CLIC3: variants seen among roughly 807,000 people sequenced by gnomAD.
CLIC3 encodes the protein CLIC family member 3.
In CLIC3, 29 loss-of-function variants were observed where a neutral mutation model predicts 19.9. The ratio of observed to expected loss-of-function variants is 1.46; its 90% CI spans 1.09 to 1.99. The LOEUF is 1.99. CLIC3 is among the 30% of genes most tolerant of loss of function. CLIC3 has a pLI of 0.00. For synonymous variants in CLIC3, 143 were observed against 156.4 expected (o/e 0.91, Z 0.64); for missense variants, 365 against 342.6 (o/e 1.07, Z -0.52).
In CLIC3 at chr9:136,995,643, C is replaced by A; in HGVS notation, c.143+5G>T. The A allele has an allele frequency of 6.2e-7, 1 of 1,610,198 alleles. No individual in the cohort carries two copies. The highest frequency in any genetic ancestry group is 8.5e-7 in the Non-Finnish European group (1 of 1,178,428). On this transcript the variant is annotated splice_donor_5th_base_variant and intron_variant, in intron 2 of 5. Coordinates refer to ENST00000494426, the MANE Select transcript of CLIC3 (RefSeq NM_004669.3). Reference sequence around the variant, plus strand: ...CAGGCGGGGGTCCACAGGATGGGGCCTCACCTGCGCGTGTCCACCGTGGTG... The same window carrying A: ...CAGGCGGGGGTCCACAGGATGGGGCATCACCTGCGCGTGTCCACCGTGGTG...
chr9:136,994,897 T>TCCCC (rs2131409894), intron 5 of CLIC3, 33 bp downstream of exon 5: 6 of 1,471,166 alleles, frequency 4.1e-6, no homozygotes, highest in African/African-American at 1.5e-5. Flanking sequence ...CGCGCCGCGG[T>TCCCC]CACCCTCCCG....
intron 3 of CLIC3, 30 bp from the exon 4 acceptor site, chr9:136,995,322 G>A: frequency 6.2e-7 from 1 of 1,609,020 alleles, no homozygotes; most frequent in Non-Finnish European, 8.5e-7. Flanking sequence ...GACTCCATTA[G>A]ACTGGGGGCA....
chr9:136,994,944 G>T lies in CLIC3; in HGVS notation c.538C>A (p.Leu180Met), dbSNP rs374553474. 1.1e-3 allele frequency: 1,591 copies of T among 1,473,878 alleles called. No individual in the cohort carries two copies. Among genetic ancestry groups the T allele is most frequent in the Non-Finnish European group, 1.4e-3 (1,521 of 1,116,124 alleles). 91.3% of individuals were successfully genotyped at this position (1,473,878 alleles called of 1,614,324 possible). ...TCCGTGCTCACGTCGACGATGTGCA[G>T]CTTGGGCAGGAGGCTGCAGTCGGCC... is the stretch of plus-strand genomic sequence containing the variant. Reference protein sequence around the residue: ...TLADCSLLPKLHIVDTVCAHF... With the variant: ...TLADCSLLPKMHIVDTVCAHF... The change falls in exon 5 of 6, where the codon CTG becomes ATG. Residue 180 changes from leucine to methionine, a missense_variant. By Grantham distance (15) the Leu-to-Met change is conservative (BLOSUM62 2). Coordinates refer to ENST00000494426, the MANE Select transcript of CLIC3 (RefSeq NM_004669.3).
chr9:136,995,929 C>G (rs1204617218), intron 1 of CLIC3, among the ~76,000 whole-genome samples, 172 bp from the exon 2 acceptor site: 1 of 152,182 alleles, frequency 6.6e-6, no homozygotes, highest in Non-Finnish European at 1.5e-5. Flanking sequence ...GACTTGGTCC[C>G]CAGAACGTGG....
At position 136,994,934 on chromosome 9, in the gene CLIC3, A is replaced by G; in HGVS notation, c.548T>C (p.Val183Ala). The change falls in exon 5 of 6, where the codon GTC becomes GCC. Residue 183 changes from valine (V) to alanine (A), a missense_variant. Transcript: ENST00000494426. ...DCSLLPKLHI[V>A]DTVCAHFRQA... is the part of the protein sequence containing the mutation. ...CCGCCCACCTTCCGTGCTCACGTCGACGATGTGCAGCTTGGGCAGGAGGCT... is the reference window on the plus strand; with the variant it reads ...CCGCCCACCTTCCGTGCTCACGTCGGCGATGTGCAGCTTGGGCAGGAGGCT... 8.2e-7 allele frequency: 1 copy of G among 1,217,438 alleles called. No homozygotes were observed. Among genetic ancestry groups the G allele is most frequent in the Non-Finnish European group, 1.1e-6 (1 of 926,608 alleles). The allele number at this position is 1,217,438 out of a possible 1,614,324, so 75.4% of individuals were successfully genotyped here. A position where few individuals can be genotyped will look rare whatever the true frequency, so the allele number is the denominator to read the frequency against.
chr9:136,995,355 C>T, intron 3 of CLIC3, 63 bp from the exon 4 acceptor site: 1 of 1,608,798 alleles, frequency 6.2e-7, no homozygotes, highest in Admixed American at 1.7e-5. Context: ...CCCCACAGTA[C>T]CCCCACAGCG....
Position 136,994,709 on chromosome 9 carries a change from G to T in CLIC3, c.683C>A (p.Ala228Asp), listed in dbSNP as rs1416720227. Residue 228 changes from alanine (A) to aspartate (D), a missense_variant, in exon 6 of 6, where the codon GCC becomes GAC. Physicochemically the swap from Ala to Asp is moderately radical, Grantham distance 126. Coordinates refer to ENST00000494426, the MANE Select transcript of CLIC3 (RefSeq NM_004669.3). The stretch of plus-strand genomic sequence containing the variant: ...GCGGGGGTGCACGGCGGGCCGGTAG[G>T]CCGCCAGGATCTCGGCGCTGTGCGG... ...TCPHSAEILA[A>D]YRPAVHPR The T allele has an allele frequency of 6.2e-7, 1 of 1,609,894 alleles. No homozygotes were observed. Among genetic ancestry groups the T allele is most frequent in the South Asian group, 1.1e-5 (1 of 90,738 alleles).
chr9:136,995,050 C>A lies in CLIC3; in HGVS notation c.432G>T (p.Ala144=). The change falls in exon 5 of 6, where the codon GCG becomes GCT. Residue 144 remains alanine (A), a synonymous_variant. Transcript: ENST00000494426. ...CCCCCGCCAGCTCGTGCTCCAGGGG[C>A]GCGCGCAGGTAGCTGTCCAGCCTGG... The part of the protein sequence containing the change: ...ALARLDSYLR[A]PLEHELAGEP... The A allele has an allele frequency of 2.6e-6, 4 of 1,515,502 alleles. No homozygotes were observed. Among genetic ancestry groups the A allele is most frequent in the Non-Finnish European group, 3.5e-6 (4 of 1,133,812 alleles). 93.9% of individuals were successfully genotyped at this position (1,515,502 alleles called of 1,614,324 possible). A position where few individuals can be genotyped will look rare whatever the true frequency, so the allele number is the denominator to read the frequency against.
intron 1 of CLIC3, 110 bp from the exon 2 acceptor site, chr9:136,995,867 C>T (rs1192940165): frequency 2.8e-6 from 2 of 720,260 alleles, no homozygotes; most frequent in African/African-American, 3.6e-5. Context: ...TGGAGGGACG[C>T]CAGGGCTCCA....
chr9:136,994,859 G>A lies in CLIC3; in HGVS notation c.553-20C>T. The A allele has an allele frequency of 6.6e-7, 1 of 1,526,512 alleles. No homozygotes were observed. The highest frequency in any genetic ancestry group is 2.5e-5 in the East Asian group (1 of 40,028). The allele number at this position is 1,526,512 out of a possible 1,614,324, so 94.6% of individuals were successfully genotyped here. On this transcript the variant is annotated intron_variant, in intron 5 of 5. Transcript: ENST00000494426. ...CACCGTCTGCGGGCAGGATCGCGGGGCGCGGTCAGGACCTGCCGTCCCCCA... is the reference window on the plus strand; with the variant it reads ...CACCGTCTGCGGGCAGGATCGCGGGACGCGGTCAGGACCTGCCGTCCCCCA...
Position 136,995,008 on chromosome 9 carries a change from C to T in CLIC3, c.474G>A (p.Glu158=). 1 of 1,506,968 alleles carries T rather than the reference C, an allele frequency of 6.6e-7. No homozygotes were observed. The allele number at this position is 1,506,968 out of a possible 1,614,324, so 93.3% of individuals were successfully genotyped here. ...HELAGEPQLR[E]SRRRFLDGDR... is the part of the protein sequence containing the mutation. The stretch of plus-strand genomic sequence containing the variant: ...CGCCGTCCAGGAAGCGGCGGCGGGA[C>T]TCGCGCAGCTGCGGCTCCCCCGCCA... Residue 158 remains glutamate (E), a synonymous_variant, in exon 5 of 6, where the codon GAG becomes GAA. Transcript: ENST00000494426.
chr9:136,995,454 A>T lies in CLIC3; in HGVS notation c.257T>A (p.Leu86Gln). Reference sequence around the variant, plus strand: ...CCGGGGCTCTCACTCGGGCGGCCCCAGCGTCTCCTCCAGAAAGTCCTCGAT... The same window carrying T: ...CCGGGGCTCTCACTCGGGCGGCCCCTGCGTCTCCTCCAGAAAGTCCTCGAT... ...LQIEDFLEET[L>Q]GPPDFPSLAP... Residue 86 changes from leucine (L) to glutamine (Q), a missense_variant, in exon 3 of 6, where the codon CTG becomes CAG. Leu to Gln is a moderately radical substitution (Grantham distance 113). Transcript: ENST00000494426. 1 of 1,612,324 alleles carries T rather than the reference A, an allele frequency of 6.2e-7. No individual in the cohort carries two copies. Among genetic ancestry groups the T allele is most frequent in the South Asian group, 1.1e-5 (1 of 91,082 alleles).
chr9:136,995,064 T>C lies in CLIC3; in HGVS notation c.418A>G (p.Ser140Gly). The C allele has an allele frequency of 6.6e-7, 1 of 1,515,284 alleles. No individual in the cohort carries two copies. 93.9% of individuals were successfully genotyped at this position (1,515,284 alleles called of 1,614,324 possible). Residue 140 changes from serine (S) to glycine (G), a missense_variant, in exon 5 of 6, where the codon AGC becomes GGC. Coordinates refer to ENST00000494426, the MANE Select transcript of CLIC3 (RefSeq NM_004669.3). ...QLLRALARLD[S>G]YLRAPLEHEL... ...TGCTCCAGGGGCGCGCGCAGGTAGC[T>C]GTCCAGCCTGGCGAGGGCGCGCAGC...
At chr9:136,994,864 G>A in intron 5 of CLIC3, 25 bp from the exon 6 acceptor site, 1 of 1,516,020 alleles carries the variant, frequency 6.6e-7, no homozygotes, top group Non-Finnish European at 8.8e-7. Context: ...GCGGGGCGCG[G>A]TCAGGACCTG....
chr9:136,994,897 T>TCTG, intron 5 of CLIC3, 33 bp downstream of exon 5: 1 of 1,471,244 alleles, frequency 6.8e-7, no homozygotes, highest in Non-Finnish European at 8.9e-7. Flanking sequence ...CGCGCCGCGG[T>TCTG]CACCCTCCCG....
chr9:136,995,252 C>A lies in CLIC3; in HGVS notation c.310G>T (p.Ala104Ser). ...LAPRYRESNT[A>S]GNDVFHKFSA... The stretch of plus-strand genomic sequence containing the variant: ...AACTTGTGGAAAACGTCGTTGCCGG[C>A]GGTGTTGGACTCCCTGTAACGAGGC... The change falls in exon 4 of 6, where the codon GCC (alanine) becomes TCC (serine). Residue 104 changes from alanine (A) to serine (S), a missense_variant. Physicochemically the swap from Ala to Ser is moderately conservative, Grantham distance 99. Transcript: ENST00000494426. 1 of 1,612,740 alleles carries A rather than the reference C, an allele frequency of 6.2e-7. No homozygotes were observed. The highest frequency in any genetic ancestry group is 8.5e-7 in the Non-Finnish European group (1 of 1,179,896).
At chr9:136,996,418 TG>T in intron 1 of CLIC3, 92 bp downstream of exon 1, 1 of 1,201,178 alleles carries the variant, frequency 8.3e-7, no homozygotes, top group Non-Finnish European at 1.2e-6. Context: ...CAGACATTAC[TG>T]GGAGGCCCAC....
In CLIC3 at chr9:136,994,673, G is replaced by T. The variant is rs1286911301; in HGVS notation, c.*8C>A. On this transcript the variant is annotated 3_prime_UTR_variant, in exon 6 of 6. Transcript: ENST00000494426. Reference sequence around the variant, plus strand: ...GCCTTTATTGGGCGACAGACGCGGGGTGGGGCGCTAGCGGGGGTGCACGGC... The same window carrying T: ...GCCTTTATTGGGCGACAGACGCGGGTTGGGGCGCTAGCGGGGGTGCACGGC... 1.2e-6 allele frequency: 2 copies of T among 1,604,460 alleles called. No homozygotes were observed. The highest frequency in any genetic ancestry group is 1.1e-5 in the South Asian group (1 of 90,212).
rs377313643 is a variant in CLIC3, at chr9:136,996,467, G to A, written c.33+44C>T. ...CACAGAAAGCAAAGCCCAGAAAAGCGCTTCCTCCCAGACACCCTCCCCGCA... is the reference window on the plus strand; with the variant it reads ...CACAGAAAGCAAAGCCCAGAAAAGCACTTCCTCCCAGACACCCTCCCCGCA... On this transcript the variant is annotated intron_variant, in intron 1 of 5. Transcript: ENST00000494426. 6.5e-6 allele frequency: 10 copies of A among 1,532,076 alleles called. No individual in the cohort carries two copies. In the African/African-American group the frequency reaches 6.9e-5, roughly 11 times the overall value. The allele number at this position is 1,532,076 out of a possible 1,614,324, so 94.9% of individuals were successfully genotyped here. A position where few individuals can be genotyped will look rare whatever the true frequency, so the allele number is the denominator to read the frequency against.
Sources: allele counts gnomAD v4.1 joint callset (sites outside exome capture counted in the v4.1 genomes callset), GRCh38; gene constraint gnomAD v4.1.1; transcripts MANE v1.5; gene names NCBI Gene and HGNC (gene_info 2026-07-23, HGNC 2026-07-21).